Variants in CNTLN observed in about 807,000 individuals in gnomAD.
CNTLN encodes centlein, centrosomal protein.
CNTLN carries 212 observed loss-of-function variants against 180.0 expected under a neutral mutation model. The observed-to-expected ratio is 1.18, with a 90% confidence interval of 1.05 to 1.32. CNTLN has a LOEUF of 1.32. Among genes scored for constraint, CNTLN ranks in the 40% most tolerant of loss-of-function variants. CNTLN has a pLI of 0.00. For synonymous variants in CNTLN, 722 were observed against 563.1 expected (o/e 1.28, Z -3.99); for missense variants, 2,095 against 1,610.9 (o/e 1.30, Z -5.14).
intron 14 of CNTLN, among the ~76,000 whole-genome samples, chr9:17,392,053 T>C (rs1826154045): frequency 6.6e-6 from 1 of 151,586 alleles, no homozygotes; most frequent in African/African-American, 2.4e-5. Flanking sequence ...AGTCACTGTT[T>C]AAAGAAAAAA....
At chr9:17,398,205 TAAAGAA>T (rs1401726419) in intron 15 of CNTLN, among the ~76,000 whole-genome samples, 1 of 152,074 alleles carries the variant, frequency 6.6e-6, no homozygotes, top group East Asian at 1.9e-4. Context: ...CCAAGCAAAT[TAAAGAA>T]AGAGAAGTGA....
In CNTLN at chr9:17,464,539, G is replaced by A. The variant is rs10963113; in HGVS notation, c.3447G>A (p.Leu1149=). ...MERDITMKRH[L]IEDLKFRQKV... ...GGGATATAACTATGAAAAGACATTT[G>A]ATAGAGGACTTGAAATTTCGACAGA... is the stretch of plus-strand genomic sequence containing the variant. Residue 1149 remains leucine, a synonymous_variant, in exon 21 of 26, where the codon TTG becomes TTA. Transcript: ENST00000380647. 99 of 1,522,488 alleles carry A rather than the reference G, an allele frequency of 6.5e-5. No individual in the cohort carries two copies. The East Asian group carries it at 2.2e-3, about 33-fold the overall frequency. The allele number at this position is 1,522,488 out of a possible 1,614,324, so 94.3% of individuals were successfully genotyped here. A position where few individuals can be genotyped will look rare whatever the true frequency, so the allele number is the denominator to read the frequency against.
chr9:17,506,043 T>C (rs994451959), downstream of CNTLN, among the ~76,000 whole-genome samples: 20 of 151,470 alleles, frequency 1.3e-4, no homozygotes, highest in African/African-American at 4.8e-4. Context: ...ATCACCTTTT[T>C]GACAAATGGT....
chr9:17,213,051 C>G (rs553153639), intron 2 of CNTLN, among the ~76,000 whole-genome samples: 3 of 152,088 alleles, frequency 2.0e-5, no homozygotes, highest in Non-Finnish European at 4.4e-5. Flanking sequence ...GTGTCTCTAT[C>G]TCCTTCAGTT....
chr9:17,203,715 C>A (rs1485448653), intron 2 of CNTLN, among the ~76,000 whole-genome samples: 1 of 152,128 alleles, frequency 6.6e-6, no homozygotes, highest in Admixed American at 6.6e-5. Flanking sequence ...CGCCACCACG[C>A]CCGGCTAATT....
intron 5 of CNTLN, among the ~76,000 whole-genome samples, chr9:17,269,448 G>A (rs573348359): frequency 7.2e-5 from 11 of 151,806 alleles, no homozygotes; most frequent in Admixed American, 3.3e-4. Context: ...AGAAGTTTTG[G>A]TTTTGGTATG....
At chr9:17,454,419 G>C (rs1830989120) in intron 18 of CNTLN, among the ~76,000 whole-genome samples, 1 of 152,160 alleles carries the variant, frequency 6.6e-6, no homozygotes. Flanking sequence ...AGTCAGAGGA[G>C]CATATCTGCC....
At chr9:17,465,607 T>C (rs1434164652) in intron 21 of CNTLN, among the ~76,000 whole-genome samples, 2 of 150,982 alleles carry the variant, frequency 1.3e-5, no homozygotes, top group Non-Finnish European at 1.5e-5. Flanking sequence ...GTAATAGTTA[T>C]TTTAGAGAAT....
intron 2 of CNTLN, among the ~76,000 whole-genome samples, chr9:17,191,444 A>G (rs1821782607): frequency 6.6e-6 from 1 of 152,216 alleles, no homozygotes; most frequent in Non-Finnish European, 1.5e-5. Context: ...TGTGTCTGCT[A>G]CAGCACCCCT....
intron 2 of CNTLN, among the ~76,000 whole-genome samples, chr9:17,218,686 C>G (rs1823928217): frequency 6.6e-6 from 1 of 152,050 alleles, no homozygotes; most frequent in Non-Finnish European, 1.5e-5. Context: ...AACGTTAGTC[C>G]AATAAATAGC....
At chr9:17,280,923 C>T (rs1436127443) in intron 6 of CNTLN, among the ~76,000 whole-genome samples, 2 of 152,130 alleles carry the variant, frequency 1.3e-5, no homozygotes, top group Admixed American at 1.3e-4. Context: ...AATTAGTAGG[C>T]TGAGGCAGAG....
chr9:17,174,368 G>C (rs1011613438), intron 2 of CNTLN, among the ~76,000 whole-genome samples: 5 of 152,112 alleles, frequency 3.3e-5, no homozygotes, highest in African/African-American at 1.2e-4. Flanking sequence ...GAGTGTAATT[G>C]CTGGGCCATG....
At chr9:17,158,190 T>G (rs1819431416) in intron 2 of CNTLN, among the ~76,000 whole-genome samples, 1 of 152,198 alleles carries the variant, frequency 6.6e-6, no homozygotes, top group South Asian at 2.1e-4. Context: ...ATTGATGTGA[T>G]GTAGTACATA....
Position 17,156,122 on chromosome 9 carries a change from C to G in CNTLN, c.449+12746C>G, listed in dbSNP as rs375224438. ...ACTTCAGTTGGAAATGCAGAAATCACTCACCTTCTCTGTTGATCTTGCTGA... is the reference window on the plus strand; with the variant it reads ...ACTTCAGTTGGAAATGCAGAAATCAGTCACCTTCTCTGTTGATCTTGCTGA... On this transcript the variant is annotated intron_variant, in intron 2 of 25. Transcript: ENST00000380647. 7.2e-5 allele frequency among the ~76,000 whole-genome samples: 11 copies of G among 152,324 alleles called. No homozygotes were observed. The South Asian group carries it at 2.3e-3, about 32-fold the overall frequency.
chr9:17,262,691 A>G (rs1442056021), intron 5 of CNTLN, among the ~76,000 whole-genome samples: 3 of 151,422 alleles, frequency 2.0e-5, no homozygotes, highest in African/African-American at 7.4e-5. Flanking sequence ...ATGTATACCC[A>G]TGCAACAAAC....
chr9:17,311,576 G>A (rs1347252984), intron 8 of CNTLN, among the ~76,000 whole-genome samples: 2 of 151,466 alleles, frequency 1.3e-5, no homozygotes, highest in African/African-American at 2.4e-5. Flanking sequence ...TTGAGAGGCC[G>A]AGGCGGGCGA....
chr9:17,422,729 A>G (rs1282484385), intron 18 of CNTLN, among the ~76,000 whole-genome samples: 1 of 151,960 alleles, frequency 6.6e-6, no homozygotes, highest in Non-Finnish European at 1.5e-5. Flanking sequence ...TATTTAGTTC[A>G]TTTATTGAGG....
chr9:17,495,347 C>T (rs111534526), intron 25 of CNTLN, among the ~76,000 whole-genome samples: 47,213 of 151,834 alleles, frequency 0.31, 8,201 homozygotes, highest in East Asian at 0.5. Context: ...TCCCTGAAGA[C>T]CTTCCAGTGG....
At chr9:17,355,932 C>T (rs1332398656) in intron 12 of CNTLN, among the ~76,000 whole-genome samples, 3 of 151,630 alleles carry the variant, frequency 2.0e-5, no homozygotes, top group South Asian at 2.1e-4. Context: ...GGTGTGGTGG[C>T]GGGCGCCTGT....
Sources: allele counts gnomAD v4.1 joint callset (sites outside exome capture counted in the v4.1 genomes callset), GRCh38; gene constraint gnomAD v4.1.1; transcripts MANE v1.5; gene names NCBI Gene and HGNC (gene_info 2026-07-23, HGNC 2026-07-21).